ATF7IP: variants seen among roughly 807,000 people sequenced by gnomAD.
ATF7IP encodes activating transcription factor 7-interacting protein 1.
ATF7IP carries 23 observed loss-of-function variants against 106.4 expected under a neutral mutation model. The ratio of observed to expected loss-of-function variants is 0.22; its 90% CI spans 0.16 to 0.31. The LOEUF is 0.31. Ranked by LOEUF, ATF7IP falls within the 10% of genes least tolerant of loss-of-function variation. ATF7IP has a pLI of 1.00. For missense variants in ATF7IP, 1,334 were observed against 1,524.3 expected (o/e 0.88, Z 2.08); for synonymous variants, 542 against 539.0 (o/e 1.01, Z -0.08).
chr12:14,446,482 C>T (rs981916170), intron 5 of ATF7IP, among the ~76,000 whole-genome samples: 1 of 152,258 alleles, frequency 6.6e-6, no homozygotes, highest in East Asian at 1.9e-4. Context: ...TAAAGACTAA[C>T]AGAATATGTA....
chr12:14,410,809 T>A (rs1465288146), intron 1 of ATF7IP, among the ~76,000 whole-genome samples: 1 of 152,146 alleles, frequency 6.6e-6, no homozygotes, highest in African/African-American at 2.4e-5. Flanking sequence ...CTATCCAGTT[T>A]CAGGCATTCA....
Position 14,446,982 on chromosome 12 carries a change from T to TC in ATF7IP, c.1930-6_1930-5insC. The stretch of plus-strand genomic sequence containing the variant: ...CATTCATTTTTGTCTTTTTTTTTTT[T>TC]TTCAGGCCAAGATAGCCAGGTTAAC... On this transcript the variant is annotated splice_polypyrimidine_tract_variant and splice_region_variant and intron_variant, in intron 5 of 14. Coordinates refer to ENST00000261168, the MANE Select transcript of ATF7IP (RefSeq NM_018179.5). 6.4e-7 allele frequency: 1 copy of TC among 1,560,250 alleles called. No individual in the cohort carries two copies. Among genetic ancestry groups the TC allele is most frequent in the East Asian group, 2.3e-5 (1 of 43,776 alleles).
At chr12:14,462,843 A>G (rs1401338149) in intron 9 of ATF7IP, among the ~76,000 whole-genome samples, 1 of 151,950 alleles carries the variant, frequency 6.6e-6, no homozygotes, top group East Asian at 1.9e-4. Flanking sequence ...TAACATGTAC[A>G]TTTATATATT....
chr12:14,406,669 T>G (rs1278543991), intron 1 of ATF7IP, among the ~76,000 whole-genome samples: 2 of 149,988 alleles, frequency 1.3e-5, no homozygotes, highest in African/African-American at 2.4e-5. Context: ...TTATGGGTTT[T>G]TTTTTTTTTT....
At position 14,460,585 on chromosome 12, in the gene ATF7IP, C is replaced by T. The variant is rs543325035; in HGVS notation, c.2249C>T (p.Thr750Met). The T allele has an allele frequency of 4.1e-5, 66 of 1,614,168 alleles. 1 individual carries two copies. The South Asian group carries it at 6.0e-4, about 15-fold the overall frequency. The change falls in exon 9 of 15, where the codon ACG becomes ATG. Residue 750 changes from threonine to methionine, a missense_variant. By Grantham distance (81) the Thr-to-Met change is moderately conservative. This residue lies in a region of ATF7IP where 171 missense variants were observed against 172.6 expected (regional missense o/e 0.99). Transcript: ENST00000261168. Reference sequence around the variant, plus strand: ...GTGACTTCGGGTTCCCTCACAGCAACGTCAGTTCTTCCTGCACCCAATACA... The same window carrying T: ...GTGACTTCGGGTTCCCTCACAGCAATGTCAGTTCTTCCTGCACCCAATACA... Reference protein sequence around the residue: ...TPVTSGSLTATSVLPAPNTAT... With the variant: ...TPVTSGSLTAMSVLPAPNTAT...
chr12:14,384,895 G>A (rs1373572271), intron 1 of ATF7IP, among the ~76,000 whole-genome samples: 3 of 147,790 alleles, frequency 2.0e-5, no homozygotes, highest in Non-Finnish European at 3.0e-5. Context: ...AAGGCCTTGA[G>A]CAAGGTTTAA....
chr12:14,396,324 C>A (rs2136448947), intron 1 of ATF7IP, among the ~76,000 whole-genome samples: 1 of 152,076 alleles, frequency 6.6e-6, no homozygotes, highest in South Asian at 2.1e-4. Context: ...TCACTTATTG[C>A]TACATAGTTG....
At chr12:14,385,412 T>C in intron 1 of ATF7IP, 2 of 1,531,926 alleles carry the variant, frequency 1.3e-6, no homozygotes, top group Non-Finnish European at 1.7e-6. Context: ...TAAGAACCAA[T>C]TACTCTTTTA....
intron 9 of ATF7IP, 107 bp from the exon 10 acceptor site, chr12:14,466,419 T>C (rs1266109886): frequency 3.5e-6 from 3 of 847,796 alleles, no homozygotes; most frequent in Non-Finnish European, 5.8e-6. Context: ...ATGTGACATG[T>C]TGACGGAAAA....
chr12:14,448,188 A>G (rs1297646931), intron 6 of ATF7IP, among the ~76,000 whole-genome samples: 3 of 152,242 alleles, frequency 2.0e-5, no homozygotes, highest in African/African-American at 7.2e-5. Context: ...GGTTTTCTGT[A>G]TTGATACATG....
intron 6 of ATF7IP, among the ~76,000 whole-genome samples, chr12:14,451,052 A>G (rs1943183521): frequency 6.6e-6 from 1 of 151,620 alleles, no homozygotes; most frequent in Non-Finnish European, 1.5e-5. Flanking sequence ...TTGTTAGGAG[A>G]TTTCTATTAC....
At chr12:14,429,015 G>A (rs941130526) in intron 2 of ATF7IP, among the ~76,000 whole-genome samples, 1 of 152,178 alleles carries the variant, frequency 6.6e-6, no homozygotes, top group African/African-American at 2.4e-5. Flanking sequence ...CACTAGAGGA[G>A]CTTCATCGCC....
chr12:14,490,917 G>A (rs1262069716), intron 13 of ATF7IP, among the ~76,000 whole-genome samples: 3 of 152,146 alleles, frequency 2.0e-5, no homozygotes, highest in Non-Finnish European at 4.4e-5. Context: ...GTGACTTGAT[G>A]ACCCATAGTC....
intron 1 of ATF7IP, among the ~76,000 whole-genome samples, chr12:14,370,028 C>T (rs993815675): frequency 2.6e-5 from 4 of 151,932 alleles, no homozygotes; most frequent in Admixed American, 2.0e-4. Flanking sequence ...ACCTCCGCCT[C>T]CCAGGTTCAA....
intron 10 of ATF7IP, among the ~76,000 whole-genome samples, chr12:14,469,503 TTTA>T (rs1017573340): frequency 2.0e-5 from 3 of 152,036 alleles, no homozygotes; most frequent in African/African-American, 4.8e-5. Context: ...CAAATAAGTA[TTTA>T]TTAACATATT....
chr12:14,467,303 G>A (rs1943869819), intron 10 of ATF7IP, among the ~76,000 whole-genome samples: 1 of 151,984 alleles, frequency 6.6e-6, no homozygotes, highest in African/African-American at 2.4e-5. Context: ...ATGAAAAAAT[G>A]ACAAGAATTT....
At chr12:14,405,533 G>C (rs1361763443) in intron 1 of ATF7IP, among the ~76,000 whole-genome samples, 1 of 146,746 alleles carries the variant, frequency 6.8e-6, no homozygotes, top group East Asian at 2.1e-4. Context: ...TCCCACCTCA[G>C]CCTCCGGAGT....
chr12:14,379,694 A>G (rs1938921590), intron 1 of ATF7IP, among the ~76,000 whole-genome samples: 1 of 152,212 alleles, frequency 6.6e-6, no homozygotes, highest in African/African-American at 2.4e-5. Flanking sequence ...GGCTGGGTAT[A>G]GAACTCTAGG....
At chr12:14,413,330 A>G (rs1207579671) in intron 1 of ATF7IP, among the ~76,000 whole-genome samples, 1 of 152,232 alleles carries the variant, frequency 6.6e-6, no homozygotes, top group Non-Finnish European at 1.5e-5. Context: ...TAGCTAATAC[A>G]TGAAGCAGTC....
Sources: gnomAD v4.1 joint callset for allele counts (sites outside exome capture counted in the v4.1 genomes callset) on GRCh38, gnomAD v4.1.1 for gene constraint, gnomAD v4.1.1 regional missense constraint, MANE v1.5 for transcripts, NCBI Gene and HGNC (gene_info 2026-07-23, HGNC 2026-07-21) for gene names.